The following BPIFA3 variants were observed in gnomAD, a reference collection of about 807,000 sequenced individuals.
BPIFA3 encodes BPI fold containing family A member 3.
In BPIFA3, 32 loss-of-function variants were observed where a neutral mutation model predicts 29.7. The observed-to-expected ratio is 1.08, with a 90% CI of 0.81 to 1.45. The LOEUF (loss-of-function observed/expected upper bound fraction) is 1.45. BPIFA3 is among the 40% of genes most tolerant of loss of function. BPIFA3 has a pLI of 0.00. For synonymous variants in BPIFA3, 112 were observed against 113.7 expected, an observed-to-expected ratio of 0.98 and a Z score of 0.10; for missense variants, 323 against 311.3, an observed-to-expected ratio of 1.04 and a Z score of -0.28.
At position 33,217,521 on chromosome 20, in the gene BPIFA3, G is replaced by A. The variant is rs758891871; in HGVS notation, c.-16G>A. On this transcript the variant is annotated 5_prime_UTR_variant, in exon 1 of 7. Coordinates refer to ENST00000375454, the MANE Select transcript of BPIFA3 (RefSeq NM_178466.5). The stretch of plus-strand genomic sequence containing the variant: ...GCCCCATCTGACACTCTTGACATCT[G>A]CAGGTCCCAGACCCTATGATGTGTC... 6.2e-7 allele frequency: 1 copy of A among 1,612,266 alleles called. No individual in the cohort carries two copies. Among genetic ancestry groups the A allele is most frequent in the South Asian group, 1.1e-5 (1 of 90,838 alleles).
At chr20:33,218,502 T>TAA (rs2146481099) in intron 1 of BPIFA3, among the ~76,000 whole-genome samples, 1 of 152,330 alleles carries the variant, frequency 6.6e-6, no homozygotes, top group African/African-American at 2.4e-5. Context: ...ATTCATTTTC[T>TAA]CACAGTTCTG....
At chr20:33,223,298 C>A (rs1985613904) in intron 1 of BPIFA3, among the ~76,000 whole-genome samples, 1 of 152,200 alleles carries the variant, frequency 6.6e-6, no homozygotes, top group African/African-American at 2.4e-5. Context: ...TCATCCCAGG[C>A]AGGAGGGTCT....
intron 1 of BPIFA3, among the ~76,000 whole-genome samples, chr20:33,218,988 G>A (rs904261870): frequency 1.3e-5 from 2 of 151,874 alleles, no homozygotes; most frequent in South Asian, 4.2e-4. Context: ...TCACTGCAAC[G>A]TCCACCTCCC....
At chr20:33,219,822 G>A (rs545852850) in intron 1 of BPIFA3, among the ~76,000 whole-genome samples, 18 of 152,234 alleles carry the variant, frequency 1.2e-4, no homozygotes, top group Middle Eastern at 3.4e-3. Context: ...TAAAAAATTC[G>A]TCTGGCCGAG....
chr20:33,225,264 C>T lies in BPIFA3; in HGVS notation c.536+17C>T, dbSNP rs1188703525. 1.2e-6 allele frequency: 2 copies of T among 1,612,760 alleles called. No individual in the cohort carries two copies. The highest frequency in any genetic ancestry group is 2.7e-5 in the African/African-American group (2 of 74,854). On this transcript the variant is annotated intron_variant, in intron 4 of 6. Coordinates refer to ENST00000375454, the MANE Select transcript of BPIFA3 (RefSeq NM_178466.5). ...CCTCACTGAGTAAGACCCCAGCTGC[C>T]CCTCCCCAGAGCTGGGCCTCCTTCC...
chr20:33,227,290 T>A (rs1600632938), intron 6 of BPIFA3, among the ~76,000 whole-genome samples: 1 of 152,092 alleles, frequency 6.6e-6, no homozygotes, highest in East Asian at 1.9e-4. Context: ...ACTGGCCCCA[T>A]CCCAAACCTG....
chr20:33,219,260 C>T (rs1985405302), intron 1 of BPIFA3, among the ~76,000 whole-genome samples: 1 of 152,024 alleles, frequency 6.6e-6, no homozygotes, highest in Non-Finnish European at 1.5e-5. Flanking sequence ...TTTAAATTTG[C>T]TTTTCTGGGT....
At chr20:33,226,892 C>G in intron 5 of BPIFA3, 38 bp from the exon 6 acceptor site, 1 of 1,613,684 alleles carries the variant, frequency 6.2e-7, no homozygotes, top group South Asian at 1.1e-5. Context: ...CCTTTTCCAG[C>G]CCCTGGCCTG....
At chr20:33,221,211 G>A (rs914030732) in intron 1 of BPIFA3, among the ~76,000 whole-genome samples, 6 of 150,020 alleles carry the variant, frequency 4.0e-5, no homozygotes, top group African/African-American at 7.4e-5. Context: ...GTACAGTGGC[G>A]GGATCTCAGC....
intron 6 of BPIFA3, 129 bp from the exon 7 acceptor site, chr20:33,227,408 TG>T: frequency 1.4e-6 from 1 of 725,592 alleles, no homozygotes; most frequent in Non-Finnish European, 2.4e-6. Flanking sequence ...CAGCATCATT[TG>T]GGGAGGGTTT....
chr20:33,220,704 A>G (rs1223401962), intron 1 of BPIFA3, among the ~76,000 whole-genome samples: 1 of 152,238 alleles, frequency 6.6e-6, no homozygotes, highest in Non-Finnish European at 1.5e-5. Context: ...TCTGATATTC[A>G]AAAGCCTTGC....
chr20:33,226,290 G>T (rs1272821019), intron 4 of BPIFA3, 116 bp from the exon 5 acceptor site: 1 of 746,140 alleles, frequency 1.3e-6, no homozygotes, highest in East Asian at 2.7e-5. Flanking sequence ...GATACTTCTG[G>T]CATGGGGCTG....
intron 4 of BPIFA3, chr20:33,225,544 A>T (rs1458210831): frequency 8.6e-6 from 3 of 347,604 alleles, no homozygotes; most frequent in African/African-American, 6.2e-5. Flanking sequence ...GGAGCACTAC[A>T]GGAAACTCAC....
chr20:33,225,148 T>C lies in BPIFA3; in HGVS notation c.437T>C (p.Val146Ala). The change falls in exon 4 of 7, where the codon GTG (valine) becomes GCG (alanine). Residue 146 changes from valine to alanine, a missense_variant. Val to Ala is a moderately conservative substitution (Grantham distance 64, BLOSUM62 0). Transcript: ENST00000375454. ...ATGTGTGCACATATGAGCATCGTTG[T>C]GGAGTTCTGGCTGGAGAAAGACGAG... is the stretch of plus-strand genomic sequence containing the variant. ...VKMCAHMSIVVEFWLEKDEFG... is the reference protein window; with the variant it reads ...VKMCAHMSIVAEFWLEKDEFG... 1.9e-6 allele frequency: 3 copies of C among 1,614,184 alleles called. No individual in the cohort carries two copies. Among genetic ancestry groups the C allele is most frequent in the Non-Finnish European group, 2.5e-6 (3 of 1,180,024 alleles).
In BPIFA3 at chr20:33,217,605, G is replaced by A. The variant is rs1220717155; in HGVS notation, c.69G>A (p.Lys23=). 3 of 1,614,130 alleles carry A rather than the reference G, an allele frequency of 1.9e-6. No homozygotes were observed. The highest frequency in any genetic ancestry group is 2.2e-5 in the East Asian group (1 of 44,886). ...GLLALPLAPH[K]QPWPGLAQAH... is the part of the protein sequence containing the mutation. ...TGGCCTTGCCCTTGGCACCACACAAGCAGCCTTGGCCTGGCCTGGCCCAAG... is the reference window on the plus strand; with the variant it reads ...TGGCCTTGCCCTTGGCACCACACAAACAGCCTTGGCCTGGCCTGGCCCAAG... Residue 23 remains lysine (K), a synonymous_variant, in exon 1 of 7, where the codon AAG becomes AAA. Coordinates refer to ENST00000375454, the MANE Select transcript of BPIFA3 (RefSeq NM_178466.5).
chr20:33,223,792 G>T lies in BPIFA3; in HGVS notation c.128-19G>T, dbSNP rs762412397. 12 of 1,604,928 alleles carry T rather than the reference G, an allele frequency of 7.5e-6. No homozygotes were observed. In the East Asian group the frequency reaches 2.7e-4, roughly 36 times the overall value. ...TTCCGTGACACTGTGCAAAGTCAGT[G>T]GTCCTTGTGCATTTCCAGTTATTGC... is the stretch of plus-strand genomic sequence containing the variant. On this transcript the variant is annotated intron_variant, in intron 1 of 6. Coordinates refer to ENST00000375454, the MANE Select transcript of BPIFA3 (RefSeq NM_178466.5).
intron 1 of BPIFA3, among the ~76,000 whole-genome samples, chr20:33,219,872 A>G (rs2146482375): frequency 6.6e-6 from 1 of 152,020 alleles, no homozygotes; most frequent in East Asian, 1.9e-4. Context: ...TGAGGTGGGA[A>G]ATCGCTTGAG....
Position 33,226,989 on chromosome 20 carries a change from C to T in BPIFA3, c.681C>T (p.Leu227=), listed in dbSNP as rs758311579. 1.2e-6 allele frequency: 2 copies of T among 1,613,620 alleles called. No individual in the cohort carries two copies. Among genetic ancestry groups the T allele is most frequent in the Admixed American group, 1.7e-5 (1 of 60,030 alleles). ...TGGATGTGAAACTGTTGAAAAGCCT[C>T]ATAGGTGAGTGTCTGGTCCATCCAG... The part of the protein sequence containing the change: ...GQLDVKLLKS[L]IEQEAAHEPT... The change falls in exon 6 of 7, where the codon CTC becomes CTT. Residue 227 remains leucine (L), a synonymous_variant. Coordinates refer to ENST00000375454, the MANE Select transcript of BPIFA3 (RefSeq NM_178466.5).
chr20:33,225,182 G>C lies in BPIFA3; in HGVS notation c.471G>C (p.Arg157=), dbSNP rs1004933425. ...GGCTGGAGAAAGACGAGTTTGGCCG[G>C]AGGGATCTGGTGATAGGCAAATGCG... ...EFWLEKDEFG[R]RDLVIGKCDA... The change falls in exon 4 of 7, where the codon CGG becomes CGC. Residue 157 remains arginine (R), a synonymous_variant. Transcript: ENST00000375454. 2 of 1,613,998 alleles carry C rather than the reference G, an allele frequency of 1.2e-6. No homozygotes were observed. Among genetic ancestry groups the C allele is most frequent in the Admixed American group, 3.3e-5 (2 of 59,998 alleles).
Sources: gnomAD v4.1 joint callset for allele counts (sites outside exome capture counted in the v4.1 genomes callset) on GRCh38, gnomAD v4.1.1 for gene constraint, MANE v1.5 for transcripts, NCBI Gene and HGNC (gene_info 2026-07-23, HGNC 2026-07-21) for gene names.